The following CENPO variants were observed in gnomAD, a reference collection of about 807,000 sequenced individuals.
CENPO encodes the protein centromere protein O, also known as centromeric protein O.
A neutral mutation model predicts 36.1 loss-of-function variants in CENPO; 30 were observed. The ratio of observed to expected loss-of-function variants is 0.83; its 90% CI spans 0.62 to 1.13. CENPO has a LOEUF of 1.13. Among genes scored for constraint, CENPO ranks in the 50% most tolerant of loss-of-function variants. The probability of loss-of-function intolerance (pLI) is 0.00; values close to 1 mark genes in which losing one functional copy is unlikely to be tolerated. For synonymous variants in CENPO, 171 were observed against 142.3 expected (o/e 1.20, Z -1.44); for missense variants, 349 against 357.8 (o/e 0.98, Z 0.20).
intron 5 of CENPO, 59 bp from the exon 6 acceptor site, chr2:24,816,587 A>C (rs1666946675): frequency 7.7e-7 from 1 of 1,298,508 alleles, no homozygotes; most frequent in African/African-American, 1.5e-5. Context: ...AGGGTCAGTA[A>C]ACACCACCTT....
chr2:24,814,743 C>A, intron 4 of CENPO: 1 of 470,014 alleles, frequency 2.1e-6, no homozygotes. Context: ...TTATTCCACT[C>A]ATCTTAACAG....
rs763466641 is a variant in CENPO at position 24,793,478 on chromosome 2, C to G, written c.-92C>G. The G allele has an allele frequency of 1.2e-6, 2 of 1,602,216 alleles. No individual in the cohort carries two copies. Among genetic ancestry groups the G allele is most frequent in the South Asian group, 2.2e-5 (2 of 89,674 alleles). On this transcript the variant is annotated 5_prime_UTR_variant, in exon 1 of 8. Transcript: ENST00000380834. ...GGTTTGGTTTTGAAGACGTGGATGG[C>G]GGGAATTCTCGCTTCTGGCCTGGGT... is the stretch of plus-strand genomic sequence containing the variant.
chr2:24,818,991 GAAGAAAGTTTAAGAATAA>G (rs1667121863), intron 7 of CENPO, among the ~76,000 whole-genome samples: 1 of 152,220 alleles, frequency 6.6e-6, no homozygotes, highest in Non-Finnish European at 1.5e-5. Flanking sequence ...GTACCCTTTA[GAAGAAAGTTTAAGAATAA>G]AAGAGACAGG....
intron 3 of CENPO, among the ~76,000 whole-genome samples, chr2:24,802,173 A>G (rs1397472720): frequency 1.3e-5 from 2 of 152,090 alleles, no homozygotes; most frequent in Non-Finnish European, 2.9e-5. Flanking sequence ...TTGCACATTG[A>G]TTTTGTATCC....
At chr2:24,810,551 A>C (rs1293973764) in intron 3 of CENPO, among the ~76,000 whole-genome samples, 3 of 126,082 alleles carry the variant, frequency 2.4e-5, no homozygotes, top group African/African-American at 9.5e-5. Context: ...CTTGTCGCCC[A>C]GGCTGGAGTG....
chr2:24,806,193 G>A (rs1666395671), intron 3 of CENPO, among the ~76,000 whole-genome samples: 1 of 152,206 alleles, frequency 6.6e-6, no homozygotes, highest in Admixed American at 6.5e-5. Flanking sequence ...TGGGGTGGGA[G>A]TGACCCGATT....
Position 24,821,044 on chromosome 2 carries a change from G to C in CENPO, c.*1726G>C. The C allele has an allele frequency of 1.4e-6, 1 of 702,358 alleles. No homozygotes were observed. Among genetic ancestry groups the C allele is most frequent in the Non-Finnish European group, 2.2e-6 (1 of 454,230 alleles). The allele number at this position is 702,358 out of a possible 1,614,324, so 43.5% of individuals were successfully genotyped here. A position where few individuals can be genotyped will look rare whatever the true frequency, so the allele number is the denominator to read the frequency against. On this transcript the variant is annotated 3_prime_UTR_variant, in exon 8 of 8. Transcript: ENST00000380834. ...TCCGTGTGCTTGTTAGGTGTCAGCC[G>C]CCACCCCCCCCCCATATGCAGATTT...
At chr2:24,814,067 G>A (rs1666828292) in intron 3 of CENPO, among the ~76,000 whole-genome samples, 1 of 152,146 alleles carries the variant, frequency 6.6e-6, no homozygotes. Context: ...GCCACCTGTT[G>A]TGTCCACCCT....
intron 3 of CENPO, among the ~76,000 whole-genome samples, chr2:24,811,282 C>CCTTTTTTTT (rs1666669785): frequency 9.5e-6 from 1 of 105,548 alleles, no homozygotes. Flanking sequence ...AGTCCATGAA[C>CCTTTTTTTT]TTTTTTTTTT....
chr2:24,795,705 T>G (rs947383023), intron 2 of CENPO, among the ~76,000 whole-genome samples: 1 of 152,148 alleles, frequency 6.6e-6, no homozygotes, highest in East Asian at 1.9e-4. Context: ...TGGTGAGGCG[T>G]CTCCTCTACC....
At chr2:24,800,933 A>G (rs1426584015) in intron 3 of CENPO, among the ~76,000 whole-genome samples, 1 of 152,188 alleles carries the variant, frequency 6.6e-6, no homozygotes, top group Non-Finnish European at 1.5e-5. Flanking sequence ...ACTAGTTTAC[A>G]GTCCCACCAA....
At chr2:24,802,759 C>T (rs192986043) in intron 3 of CENPO, among the ~76,000 whole-genome samples, 266 of 152,156 alleles carry the variant, frequency 1.7e-3, no homozygotes, top group African/African-American at 5.9e-3. Flanking sequence ...TTTGCATCGA[C>T]GTTCATCAGG....
Position 24,807,119 on chromosome 2 carries a change from C to T in CENPO, c.217-7257C>T, listed in dbSNP as rs190678544. On this transcript the variant is annotated intron_variant, in intron 3 of 7. Transcript: ENST00000380834. ...TTGCCCATTGGATATCAGCCTTCCTCCCCCTCTTCCTTTTCCACCTGTACC... is the reference window on the plus strand; with the variant it reads ...TTGCCCATTGGATATCAGCCTTCCTTCCCCTCTTCCTTTTCCACCTGTACC... Among the ~76,000 whole-genome samples, 694 of 152,244 alleles carry T rather than the reference C, an allele frequency of 4.6e-3. 9 individuals are homozygous for T. Among genetic ancestry groups the T allele is most frequent in the African/African-American group, 0.016 (673 of 41,544 alleles).
intron 3 of CENPO, among the ~76,000 whole-genome samples, chr2:24,809,427 A>C (rs1666574894): frequency 6.6e-6 from 1 of 151,978 alleles, no homozygotes; most frequent in Non-Finnish European, 1.5e-5. Flanking sequence ...CTTTATTGAT[A>C]TTTTTTAGTC....
At position 24,816,690 on chromosome 2, in the gene CENPO, A is replaced by G; in HGVS notation, c.639A>G (p.Pro213=). ...ALLTGPLQRN[P]LCNLLSFTYK... ...TGACTGGGCCCTTGCAGAGAAACCC[A>G]CTGTGTAACTTGCTGTCATTTACTT... is the stretch of plus-strand genomic sequence containing the variant. Residue 213 remains proline (P), a synonymous_variant, in exon 6 of 8, where the codon CCA becomes CCG. Coordinates refer to ENST00000380834, the MANE Select transcript of CENPO (RefSeq NM_001322101.2). 6.2e-7 allele frequency: 1 copy of G among 1,612,834 alleles called. No individual in the cohort carries two copies. Among genetic ancestry groups the G allele is most frequent in the Non-Finnish European group, 8.5e-7 (1 of 1,179,500 alleles).
intron 3 of CENPO, among the ~76,000 whole-genome samples, chr2:24,806,836 C>G (rs999082317): frequency 2.6e-5 from 4 of 152,162 alleles, no homozygotes; most frequent in African/African-American, 7.2e-5. Context: ...AGTTTTCTCT[C>G]TAGCCTAGGT....
At position 24,793,927 on chromosome 2, in the gene CENPO, A is replaced by AGAT; in HGVS notation, c.9_10insATG (p.Gln3_Ala4insMet). 6.2e-7 allele frequency: 1 copy of AGAT among 1,614,206 alleles called. No homozygotes were observed. Among genetic ancestry groups the AGAT allele is most frequent in the Non-Finnish European group, 8.5e-7 (1 of 1,180,030 alleles). On this transcript the variant is annotated inframe_insertion, in exon 2 of 8. Coordinates refer to ENST00000380834, the MANE Select transcript of CENPO (RefSeq NM_001322101.2). Reference sequence around the variant, plus strand: ...GGCCCTTGGGAATCTGAGATGGAGCAGGCGAACCCTTTACGTCCAGATGGC... The same window carrying AGAT: ...GGCCCTTGGGAATCTGAGATGGAGCAGATGGCGAACCCTTTACGTCCAGATGGC...
Position 24,820,587 on chromosome 2 carries a change from T to C in CENPO, c.*1269T>C. The C allele has an allele frequency of 6.8e-7, 1 of 1,474,714 alleles. No homozygotes were observed. The highest frequency in any genetic ancestry group is 9.1e-7 in the Non-Finnish European group (1 of 1,102,164). The allele number at this position is 1,474,714 out of a possible 1,614,324, so 91.4% of individuals were successfully genotyped here. ...AGGCTAGCTATTGCAGAGATTCTTT[T>C]CCACTTGCCCCACGTCTCTGCCTCT... On this transcript the variant is annotated 3_prime_UTR_variant, in exon 8 of 8. Transcript: ENST00000380834.
intron 7 of CENPO, among the ~76,000 whole-genome samples, chr2:24,818,800 C>A (rs1032754550): frequency 1.3e-5 from 2 of 152,228 alleles, no homozygotes; most frequent in African/African-American, 4.8e-5. Context: ...GTGGGTCACT[C>A]ACAGATATGA....
Sources: gnomAD v4.1 joint callset for allele counts (sites outside exome capture counted in the v4.1 genomes callset) on GRCh38, gnomAD v4.1.1 for gene constraint, MANE v1.5 for transcripts, NCBI Gene and HGNC (gene_info 2026-07-23, HGNC 2026-07-21) for gene names.